PSMB7: variants seen among roughly 807,000 people sequenced by gnomAD.
PSMB7 encodes proteasome subunit beta type-7.
Under a neutral mutation model 28.1 loss-of-function variants are expected in PSMB7, and 5 were observed. The ratio of observed to expected loss-of-function variants is 0.18; its 90% CI spans 0.09 to 0.37. The LOEUF (loss-of-function observed/expected upper bound fraction) is 0.37, where lower values mean the gene tolerates loss of function less well. PSMB7 is among the 10% of genes least tolerant of loss of function. PSMB7 has a pLI of 1.00. For missense variants in PSMB7, 275 were observed against 346.2 expected (o/e 0.79, Z 1.63); for synonymous variants, 122 against 123.7 (o/e 0.99, Z 0.09).
At chr9:124,400,630 T>C (rs2131174305) in intron 5 of PSMB7, among the ~76,000 whole-genome samples, 1 of 152,316 alleles carries the variant, frequency 6.6e-6, no homozygotes, top group Non-Finnish European at 1.5e-5. Context: ...TGAGACACTG[T>C]TCTTGGCCCC....
At chr9:124,392,112 A>G (rs1259698387) in intron 5 of PSMB7, among the ~76,000 whole-genome samples, 1 of 152,230 alleles carries the variant, frequency 6.6e-6, no homozygotes, top group East Asian at 1.9e-4. Context: ...GCCCTTTTAC[A>G]GACAAGGAAA....
In PSMB7 at chr9:124,356,944, C is replaced by T; in HGVS notation, c.571-29G>A. ...AGAAACAGAACGGCGGCAATAATGT[C>T]CCCGGCCAAACTAGGGCCTGCTCTG... On this transcript the variant is annotated intron_variant, in intron 6 of 7. Transcript: ENST00000259457. The surrounding 1 kb of genome is among the most constrained non-coding windows in gnomAD (Gnocchi z 4.4). 3 of 1,613,022 alleles carry T rather than the reference C, an allele frequency of 1.9e-6. No homozygotes were observed. The highest frequency in any genetic ancestry group is 1.3e-5 in the African/African-American group (1 of 75,030).
chr9:124,368,249 C>T (rs532996691), intron 6 of PSMB7, among the ~76,000 whole-genome samples: 2 of 152,314 alleles, frequency 1.3e-5, no homozygotes, highest in Admixed American at 1.3e-4. Flanking sequence ...GAAAACAAAA[C>T]CTCCAGTCTC....
chr9:124,364,156 C>T (rs946564279), intron 6 of PSMB7, among the ~76,000 whole-genome samples: 2 of 152,122 alleles, frequency 1.3e-5, no homozygotes, highest in Admixed American at 1.3e-4. Flanking sequence ...CAAACACTTG[C>T]GTTATTTATT....
At chr9:124,401,993 C>T (rs1015753294) in intron 5 of PSMB7, among the ~76,000 whole-genome samples, 4 of 146,732 alleles carry the variant, frequency 2.7e-5, no homozygotes, top group Admixed American at 2.1e-4. Flanking sequence ...CACACCAGAC[C>T]GGGTGACAGT....
intron 6 of PSMB7, among the ~76,000 whole-genome samples, chr9:124,359,616 G>C (rs528330048): frequency 2.2e-4 from 33 of 152,266 alleles, no homozygotes; most frequent in African/African-American, 5.8e-4. Flanking sequence ...GACCTTCCTT[G>C]GGCCGGGGGC....
chr9:124,400,209 G>C (rs753444742), intron 5 of PSMB7, among the ~76,000 whole-genome samples: 10 of 152,056 alleles, frequency 6.6e-5, no homozygotes, highest in African/African-American at 2.4e-4. Flanking sequence ...TCTATCCCTC[G>C]GGGGTAAGGG....
intron 6 of PSMB7, among the ~76,000 whole-genome samples, chr9:124,373,618 T>C (rs576547520): frequency 6.6e-6 from 1 of 152,278 alleles, no homozygotes; most frequent in South Asian, 2.1e-4. Context: ...CATCTAAACG[T>C]TTCCATAGTT....
chr9:124,386,097 G>A (rs1455905017), intron 5 of PSMB7, among the ~76,000 whole-genome samples: 1 of 151,532 alleles, frequency 6.6e-6, no homozygotes, highest in East Asian at 1.9e-4. Context: ...TTTAGGCTTT[G>A]GGAGCAAAAG....
chr9:124,379,563 C>T (rs1461402035), intron 6 of PSMB7, among the ~76,000 whole-genome samples: 1 of 152,244 alleles, frequency 6.6e-6, no homozygotes, highest in African/African-American at 2.4e-5. Flanking sequence ...AACTCAGGAA[C>T]TGAGGACTTT....
intron 5 of PSMB7, among the ~76,000 whole-genome samples, chr9:124,393,670 A>G (rs946088258): frequency 2.0e-5 from 3 of 152,262 alleles, no homozygotes; most frequent in Non-Finnish European, 2.9e-5. Flanking sequence ...ACTTGAAGGG[A>G]AAAGGGATTT....
At chr9:124,388,600 G>A (rs1296231618) in intron 5 of PSMB7, among the ~76,000 whole-genome samples, 2 of 152,158 alleles carry the variant, frequency 1.3e-5, no homozygotes, top group African/African-American at 2.4e-5. Flanking sequence ...ACCCTATGTC[G>A]CGCTCTCATA....
chr9:124,361,405 A>T (rs1830464479), intron 6 of PSMB7, among the ~76,000 whole-genome samples: 1 of 152,222 alleles, frequency 6.6e-6, no homozygotes, highest in African/African-American at 2.4e-5. Flanking sequence ...TGGTCACCAC[A>T]GCTGTACCCG....
Position 124,356,981 on chromosome 9 carries a change from G to C in PSMB7, c.571-66C>G. 1 of 1,586,890 alleles carries C rather than the reference G, an allele frequency of 6.3e-7. No homozygotes were observed. Among genetic ancestry groups the C allele is most frequent in the Non-Finnish European group, 8.6e-7 (1 of 1,159,436 alleles). Reference sequence around the variant, plus strand: ...TAGGGCCTGCTCTGACATCCGCAATGTACGTCCACTAGCAGTGCGCAAGAC... The same window carrying C: ...TAGGGCCTGCTCTGACATCCGCAATCTACGTCCACTAGCAGTGCGCAAGAC... On this transcript the variant is annotated intron_variant, in intron 6 of 7. Coordinates refer to ENST00000259457, the MANE Select transcript of PSMB7 (RefSeq NM_002799.4). This position sits in a 1 kb window ranked among gnomAD's most constrained non-coding sequence, Gnocchi z 4.4.
chr9:124,412,722 A>T (rs1831041692), intron 3 of PSMB7, among the ~76,000 whole-genome samples: 1 of 152,232 alleles, frequency 6.6e-6, no homozygotes, highest in Admixed American at 6.5e-5. Context: ...ACATGAAATT[A>T]TTGGTTTCTG....
intron 5 of PSMB7, among the ~76,000 whole-genome samples, chr9:124,388,099 C>A (rs1299310144): frequency 6.6e-6 from 1 of 152,200 alleles, no homozygotes; most frequent in African/African-American, 2.4e-5. Flanking sequence ...CTGAGACATT[C>A]TGTTATTTCA....
chr9:124,353,574 C>T lies in PSMB7; in HGVS notation c.*24G>A, dbSNP rs201255811. 134 of 1,538,756 alleles carry T rather than the reference C, an allele frequency of 8.7e-5. No homozygotes were observed. Among genetic ancestry groups the T allele is most frequent in the Admixed American group, 4.0e-4 (24 of 59,882 alleles). ...CAATGCTCACCACCTTCCAGAACCG[C>T]GGCCAGCCACCCACTGATGCCATTC... On this transcript the variant is annotated 3_prime_UTR_variant, in exon 8 of 8. Transcript: ENST00000259457.
intron 5 of PSMB7, among the ~76,000 whole-genome samples, chr9:124,392,189 T>C (rs1339529186): frequency 2.0e-5 from 3 of 152,244 alleles, no homozygotes; most frequent in Admixed American, 6.5e-5. Context: ...AGCCAAGCTT[T>C]AAACCTAGGT....
intron 7 of PSMB7, among the ~76,000 whole-genome samples, chr9:124,354,112 C>T (rs1830370535): frequency 6.6e-6 from 1 of 152,234 alleles, no homozygotes; most frequent in African/African-American, 2.4e-5. Flanking sequence ...CGTGCAGCAA[C>T]AAGAATGACT....
Sources: gnomAD v4.1 joint callset for allele counts (sites outside exome capture counted in the v4.1 genomes callset) on GRCh38, gnomAD v4.1.1 for gene constraint, Gnocchi (gnomAD v3.1) non-coding constraint, MANE v1.5 for transcripts, NCBI Gene and HGNC (gene_info 2026-07-23, HGNC 2026-07-21) for gene names.